The following OSMR variants were observed in gnomAD, a reference collection of about 807,000 sequenced individuals.
OSMR encodes oncostatin M receptor, also known as oncostatin-M-specific receptor subunit beta.
Under a neutral mutation model 99.9 loss-of-function variants are expected in OSMR, and 81 were observed. The ratio of observed to expected loss-of-function variants is 0.81; its 90% CI spans 0.68 to 0.97. OSMR has a LOEUF of 0.97. Among genes scored for constraint, OSMR ranks in the 50% least tolerant of loss-of-function variants. The pLI, the probability that OSMR is intolerant of heterozygous loss-of-function variation, is 0.00. For synonymous variants in OSMR, 406 were observed against 410.4 expected (o/e 0.99, Z 0.13); for missense variants, 1,099 against 1,153.4 (o/e 0.95, Z 0.68).
chr5:38,901,966 TTTGGC>T (rs1472623707), intron 7 of OSMR, among the ~76,000 whole-genome samples: 2 of 152,154 alleles, frequency 1.3e-5, no homozygotes, highest in Non-Finnish European at 2.9e-5. Flanking sequence ...AACACTTTTG[TTTGGC>T]TGTATCGGGG....
In OSMR at chr5:38,933,525, G is replaced by C; in HGVS notation, c.*81G>C. ...GCACCCTGTCATCACCAGTGGCCTT[G>C]GTCCTTAATCCCAGTACGATTTGCA... On this transcript the variant is annotated 3_prime_UTR_variant, in exon 18 of 18. Coordinates refer to ENST00000274276, the MANE Select transcript of OSMR (RefSeq NM_003999.3). The C allele has an allele frequency of 6.7e-7, 1 of 1,495,686 alleles. No homozygotes were observed. Among genetic ancestry groups the C allele is most frequent in the Non-Finnish European group, 9.3e-7 (1 of 1,078,148 alleles). 92.7% of individuals were successfully genotyped at this position (1,495,686 alleles called of 1,614,324 possible). A position where few individuals can be genotyped will look rare whatever the true frequency, so the allele number is the denominator to read the frequency against.
At chr5:38,881,347 CAT>C (rs1489031417) in intron 3 of OSMR, 4 of 287,426 alleles carry the variant, frequency 1.4e-5, no homozygotes, top group African/African-American at 4.5e-5. Context: ...GCTTATTCCA[CAT>C]GAGTCCCCGG....
In OSMR at chr5:38,925,213, A is replaced by G; in HGVS notation, c.2054A>G (p.Glu685Gly). 6.2e-7 allele frequency: 1 copy of G among 1,614,070 alleles called. No homozygotes were observed. Among genetic ancestry groups the G allele is most frequent in the Non-Finnish European group, 8.5e-7 (1 of 1,179,924 alleles). The change falls in exon 15 of 18, where the codon GAA becomes GGA. Residue 685 changes from glutamate (E) to glycine (G), a missense_variant. Physicochemically the swap from Glu to Gly is moderately conservative, Grantham distance 98 (BLOSUM62 -2). Coordinates refer to ENST00000274276, the MANE Select transcript of OSMR (RefSeq NM_003999.3). ...ATTTAAAAAATCACAGATGGTTCAG[A>G]ATGTTGCAAATACAAAATTGACAAC... ...FEKAVLSDGS[E>G]CCKYKIDNPE...
chr5:38,885,713 T>C (rs995329717), intron 6 of OSMR, among the ~76,000 whole-genome samples: 12 of 152,248 alleles, frequency 7.9e-5, no homozygotes, highest in Non-Finnish European at 1.5e-4. Flanking sequence ...AGACAGTTAA[T>C]GTATACCTTG....
chr5:38,853,243 T>G (rs1288484996), intron 1 of OSMR, among the ~76,000 whole-genome samples: 2 of 152,220 alleles, frequency 1.3e-5, no homozygotes, highest in African/African-American at 4.8e-5. Context: ...CATCTGGAAT[T>G]TATTTTGCTG....
intron 7 of OSMR, among the ~76,000 whole-genome samples, chr5:38,902,183 G>A (rs912000249): frequency 2.6e-5 from 4 of 152,328 alleles, no homozygotes; most frequent in South Asian, 2.1e-4. Flanking sequence ...ATGTATAAGA[G>A]TACTACTTTT....
intron 7 of OSMR, among the ~76,000 whole-genome samples, chr5:38,897,692 TTTCTAG>T (rs1175470980): frequency 6.6e-6 from 1 of 152,114 alleles, no homozygotes; most frequent in Non-Finnish European, 1.5e-5. Flanking sequence ...TGCTCTTGCT[TTTCTAG>T]TTCTGTATTA....
At chr5:38,861,730 GCTGGCCGGGCAGGGGA>G (rs1741346458) in intron 1 of OSMR, among the ~76,000 whole-genome samples, 1 of 151,066 alleles carries the variant, frequency 6.6e-6, no homozygotes, top group South Asian at 2.1e-4. Flanking sequence ...GGACAGGGGG[GCTGGCCGGGCAGGGGA>G]CTGACCCCCC....
In OSMR at chr5:38,886,230, G is replaced by A. The variant is rs142927792; in HGVS notation, c.991+40G>A. On this transcript the variant is annotated intron_variant, in intron 7 of 17. Transcript: ENST00000274276. ...GTCACAGCCCACCGTGGCCACTAACGTGTCTTTGTTTCACAGACTGTGTGA... is the reference window on the plus strand; with the variant it reads ...GTCACAGCCCACCGTGGCCACTAACATGTCTTTGTTTCACAGACTGTGTGA... 113 of 1,613,806 alleles carry A rather than the reference G, an allele frequency of 7.0e-5. 1 individual carries two copies. The East Asian group carries it at 1.6e-3, about 22-fold the overall frequency.
At chr5:38,878,620 A>T (rs944856515) in intron 3 of OSMR, among the ~76,000 whole-genome samples, 4 of 152,218 alleles carry the variant, frequency 2.6e-5, no homozygotes, top group Non-Finnish European at 4.4e-5. Flanking sequence ...ATGTCTCAGT[A>T]ACAAATCAGT....
intron 1 of OSMR, chr5:38,940,743 T>C: frequency 4.3e-6 from 1 of 232,566 alleles, no homozygotes; most frequent in Non-Finnish European, 8.5e-6. Context: ...TCATCCCAAC[T>C]GGAACTTTCA....
chr5:38,857,020 C>T (rs1031115763), intron 1 of OSMR, among the ~76,000 whole-genome samples: 1 of 152,186 alleles, frequency 6.6e-6, no homozygotes, highest in Admixed American at 6.5e-5. Flanking sequence ...TGTAAATACT[C>T]ATGTCTTTCC....
At chr5:38,859,013 A>C (rs1741075878) in intron 1 of OSMR, among the ~76,000 whole-genome samples, 1 of 152,214 alleles carries the variant, frequency 6.6e-6, no homozygotes, top group South Asian at 2.1e-4. Flanking sequence ...TCCTAGTCAG[A>C]TGAATGGTTT....
chr5:38,938,478 T>C (rs1298305588), downstream of OSMR: 3 of 232,146 alleles, frequency 1.3e-5, no homozygotes, highest in Non-Finnish European at 2.6e-5. Context: ...ATGCTTTTTT[T>C]GGCATAAATT....
At chr5:38,899,131 T>G (rs1390427765) in intron 7 of OSMR, among the ~76,000 whole-genome samples, 4 of 152,168 alleles carry the variant, frequency 2.6e-5, no homozygotes, top group Admixed American at 1.3e-4. Flanking sequence ...GGCTAAATTT[T>G]GTATTTCTAG....
At chr5:38,923,346 C>T (rs2112659875) in intron 13 of OSMR, 92 bp downstream of exon 13, 1 of 797,742 alleles carries the variant, frequency 1.3e-6, no homozygotes, top group Non-Finnish European at 2.2e-6. Flanking sequence ...CTGTCAGCAC[C>T]ATACCCAACT....
rs1200576442 is a variant in OSMR, at chr5:38,935,421, G to GTGT, written c.*1979_*1981dup. The GTGT allele has an allele frequency of 1.3e-5, 2 of 151,380 alleles. No individual in the cohort carries two copies. Among genetic ancestry groups the GTGT allele is most frequent in the Non-Finnish European group, 2.9e-5 (2 of 67,918 alleles). 9.4% of individuals were successfully genotyped at this position (151,380 alleles called of 1,614,324 possible). On this transcript the variant is annotated 3_prime_UTR_variant, in exon 18 of 18. Coordinates refer to ENST00000274276, the MANE Select transcript of OSMR (RefSeq NM_003999.3). Reference sequence around the variant, plus strand: ...CGGTATCCTGATTAGTCTAACAGTTGTGTTAGACTTTAGGGCCAGTATTGT... The same window carrying GTGT: ...CGGTATCCTGATTAGTCTAACAGTTGTGTTGTTAGACTTTAGGGCCAGTATTGT...
At chr5:38,861,554 A>G (rs1020766143) in intron 1 of OSMR, among the ~76,000 whole-genome samples, 5 of 152,270 alleles carry the variant, frequency 3.3e-5, no homozygotes, top group African/African-American at 1.2e-4. Flanking sequence ...CGATTTCTCA[A>G]TCTTTTCCCC....
intron 3 of OSMR, among the ~76,000 whole-genome samples, chr5:38,879,622 CT>C (rs1173567281): frequency 0.026 from 3,422 of 131,216 alleles, 99 homozygotes; most frequent in African/African-American, 0.086. Context: ...ATATTTGCTC[CT>C]TTTTTTTTTT....
Sources: gnomAD v4.1 joint callset for allele counts (sites outside exome capture counted in the v4.1 genomes callset) on GRCh38, gnomAD v4.1.1 for gene constraint, MANE v1.5 for transcripts, NCBI Gene and HGNC (gene_info 2026-07-23, HGNC 2026-07-21) for gene names.